Variants in NEK11 observed in about 807,000 individuals in gnomAD.
NEK11 encodes NIMA related kinase 11.
In NEK11, 72 loss-of-function variants were observed where a neutral mutation model predicts 80.7. That is an observed-to-expected ratio of 0.89 (90% CI 0.74 to 1.08). NEK11 has a LOEUF of 1.08. Among genes scored for constraint, NEK11 ranks in the 50% least tolerant of loss-of-function variants. The pLI, the probability that NEK11 is intolerant of heterozygous loss-of-function variation, is 0.00. For synonymous variants in NEK11, 251 were observed against 260.7 expected (o/e 0.96, Z 0.36); for missense variants, 764 against 763.6 (o/e 1.00, Z -0.01).
intron 3 of NEK11, among the ~76,000 whole-genome samples, chr3:131,069,919 T>C (rs968453448): frequency 6.6e-6 from 1 of 151,938 alleles, no homozygotes; most frequent in Admixed American, 6.6e-5. Context: ...ACGGCACATG[T>C]ATACATATGT....
chr3:131,175,266 G>A, intron 14 of NEK11: 1 of 292,574 alleles, frequency 3.4e-6, no homozygotes, highest in Non-Finnish European at 5.1e-6. Flanking sequence ...ATAGTTATCT[G>A]AAAATGCATC....
rs1259830642 is a variant in NEK11 at position 131,155,120 on chromosome 3, A to G, written c.961A>G (p.Met321Val). The G allele has an allele frequency of 3.1e-6, 5 of 1,592,328 alleles. No homozygotes were observed. Among genetic ancestry groups the G allele is most frequent in the Non-Finnish European group, 3.4e-6 (4 of 1,160,732 alleles). ...QKEAAHIINA[M>V]QKRIHLQTLR... ...GGAGGCTGCTCATATAATTAATGCCATGTAAGTAATTGCTTTGTTTTTAAA... is the reference window on the plus strand; with the variant it reads ...GGAGGCTGCTCATATAATTAATGCCGTGTAAGTAATTGCTTTGTTTTTAAA... Residue 321 changes from methionine (M) to valine (V), a missense_variant and splice_region_variant, in exon 10 of 18, where the codon ATG becomes GTG. By Grantham distance (21) the Met-to-Val change is conservative (BLOSUM62 1). Transcript: ENST00000383366.
intron 14 of NEK11, among the ~76,000 whole-genome samples, chr3:131,182,446 G>T (rs1169416409): frequency 6.6e-6 from 1 of 152,110 alleles, no homozygotes; most frequent in Non-Finnish European, 1.5e-5. Context: ...TAACTCACCA[G>T]GTAGACTTGT....
chr3:131,169,696 G>A (rs2092545878), intron 13 of NEK11, among the ~76,000 whole-genome samples: 1 of 152,110 alleles, frequency 6.6e-6, no homozygotes, highest in Admixed American at 6.5e-5. Context: ...TACGTGGAGA[G>A]GTAATGGGGA....
At chr3:131,234,417 G>T (rs1225494901) in intron 15 of NEK11, among the ~76,000 whole-genome samples, 1 of 152,174 alleles carries the variant, frequency 6.6e-6, no homozygotes, top group African/African-American at 2.4e-5. Context: ...GAGGTCATCA[G>T]TTCTAAAAAG....
chr3:131,104,378 A>G (rs1357807417), intron 4 of NEK11, among the ~76,000 whole-genome samples: 1 of 152,094 alleles, frequency 6.6e-6, no homozygotes, highest in African/African-American at 2.4e-5. Context: ...CTGCATGGAA[A>G]ACAGTCTGGC....
intron 14 of NEK11, among the ~76,000 whole-genome samples, chr3:131,202,645 A>G (rs2094285239): frequency 6.6e-6 from 1 of 152,224 alleles, no homozygotes; most frequent in Non-Finnish European, 1.5e-5. Flanking sequence ...CAGGCAACCT[A>G]CAGAATGGGA....
chr3:131,223,238 CG>C (rs1409960762), intron 14 of NEK11, among the ~76,000 whole-genome samples: 8 of 152,094 alleles, frequency 5.3e-5, no homozygotes, highest in East Asian at 3.8e-4. Context: ...AACGGACTTA[CG>C]TTTTTTTTGA....
chr3:131,204,472 T>G (rs1224312270), intron 14 of NEK11, among the ~76,000 whole-genome samples: 1 of 152,004 alleles, frequency 6.6e-6, no homozygotes, highest in Non-Finnish European at 1.5e-5. Flanking sequence ...TCTCAACCTG[T>G]GAGATCTGAC....
At chr3:131,214,799 C>A (rs957823567) in intron 14 of NEK11, among the ~76,000 whole-genome samples, 1 of 151,746 alleles carries the variant, frequency 6.6e-6, no homozygotes, top group Non-Finnish European at 1.5e-5. Context: ...TACAGCAGAA[C>A]CTGCTGTCCT....
intron 17 of NEK11, among the ~76,000 whole-genome samples, chr3:131,295,153 G>A (rs888477237): frequency 2.0e-5 from 3 of 151,820 alleles, no homozygotes; most frequent in African/African-American, 4.8e-5. Context: ...TCTGTTCTTT[G>A]TTCCATTTCT....
chr3:131,115,655 G>A (rs930338900), intron 5 of NEK11, among the ~76,000 whole-genome samples: 6 of 152,186 alleles, frequency 3.9e-5, no homozygotes, highest in African/African-American at 1.4e-4. Flanking sequence ...ACCCATTACT[G>A]TTCTGGGCGG....
chr3:131,205,327 G>A (rs1425212930), intron 14 of NEK11, among the ~76,000 whole-genome samples: 1 of 152,188 alleles, frequency 6.6e-6, no homozygotes, highest in Non-Finnish European at 1.5e-5. Context: ...TAACCACCTT[G>A]GCTTTCATTA....
chr3:131,055,880 A>T (rs1175817729), intron 3 of NEK11, among the ~76,000 whole-genome samples: 2 of 152,186 alleles, frequency 1.3e-5, no homozygotes, highest in Admixed American at 1.3e-4. Flanking sequence ...AAAATGAAAG[A>T]TCATTGGAAG....
At chr3:131,241,781 A>G (rs2095522910) in intron 15 of NEK11, among the ~76,000 whole-genome samples, 1 of 152,150 alleles carries the variant, frequency 6.6e-6, no homozygotes, top group African/African-American at 2.4e-5. Flanking sequence ...CATATAGCAT[A>G]CATATATAGT....
chr3:131,131,157 C>T (rs13087714), intron 5 of NEK11, among the ~76,000 whole-genome samples: 66,432 of 152,070 alleles, frequency 0.44, 16,932 homozygotes, highest in Middle Eastern at 0.66. Context: ...CATCTACATT[C>T]ATCAGAGATA....
At chr3:131,132,379 C>T (rs1190759084) in intron 5 of NEK11, among the ~76,000 whole-genome samples, 1 of 151,894 alleles carries the variant, frequency 6.6e-6, no homozygotes, top group Non-Finnish European at 1.5e-5. Context: ...GTATATAAAA[C>T]TTGGACATTT....
chr3:131,257,105 C>A (rs566986272), intron 16 of NEK11, among the ~76,000 whole-genome samples: 1 of 152,092 alleles, frequency 6.6e-6, no homozygotes, highest in South Asian at 2.1e-4. Flanking sequence ...CCCGCTTCAG[C>A]CTCTCATGCA....
intron 5 of NEK11, among the ~76,000 whole-genome samples, chr3:131,122,004 A>G (rs2082468120): frequency 6.6e-6 from 1 of 152,168 alleles, no homozygotes; most frequent in Admixed American, 6.5e-5. Flanking sequence ...AGCAAGCCCC[A>G]GTGAGATGAA....
Sources: allele counts gnomAD v4.1 joint callset (sites outside exome capture counted in the v4.1 genomes callset), GRCh38; gene constraint gnomAD v4.1.1; transcripts MANE v1.5; gene names NCBI Gene and HGNC (gene_info 2026-07-23, HGNC 2026-07-21).